FBXO34: variants seen among roughly 807,000 people sequenced by gnomAD.
FBXO34 encodes F-box only protein 34.
In FBXO34, 12 loss-of-function variants were observed where a neutral mutation model predicts 24.5. That is an observed-to-expected ratio of 0.49 (90% CI 0.31 to 0.79). FBXO34 has a LOEUF of 0.79. FBXO34 is among the 30% of genes least tolerant of loss of function. The pLI is 0.04. For synonymous variants in FBXO34, 320 were observed against 311.9 expected (o/e 1.03, Z -0.27); for missense variants, 823 against 857.7 (o/e 0.96, Z 0.51).
At chr14:55,428,589 G>T in the FBXO34 span, among the ~76,000 whole-genome samples, 1 of 152,118 alleles carries the variant, frequency 6.6e-6, no homozygotes, top group Non-Finnish European at 1.5e-5. Flanking sequence ...CTAAGTGATT[G>T]CTAAGCAATG....
chr14:55,415,998 G>A, the FBXO34 span, among the ~76,000 whole-genome samples: 2 of 152,128 alleles, frequency 1.3e-5, no homozygotes, highest in Admixed American at 6.5e-5. Context: ...AAAGTCACAT[G>A]TTATAAGATT....
the FBXO34 span, among the ~76,000 whole-genome samples, chr14:55,427,420 T>G: frequency 2.6e-5 from 4 of 152,204 alleles, no homozygotes; most frequent in African/African-American, 9.7e-5. Context: ...TAACTTCCAT[T>G]CAGATCATAT....
chr14:55,370,316 T>A (rs550031465), downstream of FBXO34, among the ~76,000 whole-genome samples: 22 of 152,242 alleles, frequency 1.4e-4, no homozygotes, highest in Non-Finnish European at 2.9e-4. Context: ...AGCCACTTGA[T>A]GTATACTCTG....
At chr14:55,400,552 G>A in the FBXO34 span, among the ~76,000 whole-genome samples, 174 of 152,260 alleles carry the variant, frequency 1.1e-3, 1 homozygote, top group African/African-American at 4.0e-3. Flanking sequence ...CGATACAAGT[G>A]AATAGCCTAG....
chr14:55,346,988 C>G (rs1884180984), intron 1 of FBXO34, among the ~76,000 whole-genome samples: 1 of 152,120 alleles, frequency 6.6e-6, no homozygotes, highest in Admixed American at 6.5e-5. Context: ...AAAGTCCCTT[C>G]CAATTTCAAC....
the FBXO34 span, among the ~76,000 whole-genome samples, chr14:55,409,385 T>C: frequency 6.6e-6 from 1 of 152,232 alleles, no homozygotes; most frequent in Non-Finnish European, 1.5e-5. Flanking sequence ...AGAAAAACTC[T>C]TGCCCTCATA....
intron 3 of FBXO34, among the ~76,000 whole-genome samples, chr14:55,360,004 C>G (rs1483281973): frequency 6.6e-6 from 1 of 152,008 alleles, no homozygotes; most frequent in African/African-American, 2.4e-5. Flanking sequence ...CACTTGGGCC[C>G]AGGACGTCGA....
At chr14:55,277,046 C>T (rs1444464803) in intron 1 of FBXO34, among the ~76,000 whole-genome samples, 2 of 152,210 alleles carry the variant, frequency 1.3e-5, no homozygotes, top group East Asian at 3.8e-4. Context: ...CTTATGTATA[C>T]CATTCCCTTA....
the FBXO34 span, among the ~76,000 whole-genome samples, chr14:55,420,286 G>A: frequency 6.6e-6 from 1 of 152,196 alleles, no homozygotes; most frequent in Admixed American, 6.5e-5. Context: ...GGCCAGGCTG[G>A]TCTTGAACTC....
the FBXO34 span, among the ~76,000 whole-genome samples, chr14:55,392,402 C>T: frequency 2.0e-5 from 3 of 152,090 alleles, no homozygotes; most frequent in Non-Finnish European, 4.4e-5. Flanking sequence ...TAATCCTAGA[C>T]TTTGGGAAGC....
intron 1 of FBXO34, among the ~76,000 whole-genome samples, chr14:55,319,807 C>CT (rs1450001155): frequency 6.6e-6 from 1 of 152,170 alleles, no homozygotes; most frequent in Non-Finnish European, 1.5e-5. Flanking sequence ...TCCCAAGTAG[C>CT]TGGGACTATG....
chr14:55,401,998 T>C, the FBXO34 span, among the ~76,000 whole-genome samples: 1 of 152,176 alleles, frequency 6.6e-6, no homozygotes, highest in Non-Finnish European at 1.5e-5. Flanking sequence ...TCACTTCCAC[T>C]CTGTTCCCCG....
At chr14:55,313,979 T>A (rs1882841544) in intron 1 of FBXO34, among the ~76,000 whole-genome samples, 1 of 152,214 alleles carries the variant, frequency 6.6e-6, no homozygotes, top group Non-Finnish European at 1.5e-5. Flanking sequence ...CACAACTTAC[T>A]GCAGCCTCAA....
rs768210427 is a variant in FBXO34 at position 55,344,626 on chromosome 14, A to G, written c.-10-5755A>G. 1.7e-4 allele frequency among the ~76,000 whole-genome samples: 26 copies of G among 150,922 alleles called. 2 individuals carry two copies. The highest frequency in any genetic ancestry group is 1.7e-3 in the South Asian group (8 of 4,780). On this transcript the variant is annotated intron_variant, in intron 1 of 1. Coordinates refer to ENST00000313833, the MANE Select transcript of FBXO34 (RefSeq NM_017943.4). ...TTTGTTACACAGGTATACACGTGCC[A>G]TGGTGGTTTGCTGCATCTATCAACC...
At chr14:55,374,960 G>T (rs1235599866), downstream of FBXO34, among the ~76,000 whole-genome samples, 1 of 152,070 alleles carries the variant, frequency 6.6e-6, no homozygotes, top group Non-Finnish European at 1.5e-5. Context: ...AAACTTCCTT[G>T]CAGACTATAC....
At chr14:55,319,913 C>T (rs1177105771) in intron 1 of FBXO34, among the ~76,000 whole-genome samples, 2 of 152,130 alleles carry the variant, frequency 1.3e-5, no homozygotes, top group Non-Finnish European at 2.9e-5. Context: ...ACCTTGTGAT[C>T]TACCCACCTC....
chr14:55,423,196 G>C, the FBXO34 span, among the ~76,000 whole-genome samples: 2 of 152,204 alleles, frequency 1.3e-5, no homozygotes, highest in Non-Finnish European at 1.5e-5. Flanking sequence ...AAAGTAGTGA[G>C]ATAATTTTTA....
the FBXO34 span, among the ~76,000 whole-genome samples, chr14:55,395,748 G>T: frequency 4.6e-5 from 7 of 152,016 alleles, no homozygotes; most frequent in Non-Finnish European, 1.0e-4. Flanking sequence ...CTTTACAATG[G>T]CTCCATAATT....
chr14:55,341,976 CTG>C (rs1884008751), intron 1 of FBXO34, among the ~76,000 whole-genome samples: 1 of 152,168 alleles, frequency 6.6e-6, no homozygotes, highest in South Asian at 2.1e-4. Context: ...GGCTGGGGAA[CTG>C]TGTAAATTTG....
Sources: gnomAD v4.1 joint callset for allele counts (sites outside exome capture counted in the v4.1 genomes callset) on GRCh38, gnomAD v4.1.1 for gene constraint, MANE v1.5 for transcripts, NCBI Gene and HGNC (gene_info 2026-07-23, HGNC 2026-07-21) for gene names.